The following TUBGCP5 variants were observed in gnomAD, a reference collection of about 807,000 sequenced individuals.
The protein encoded by TUBGCP5 is tubulin gamma complex component 5.
A neutral mutation model predicts 134.7 loss-of-function variants in TUBGCP5; 98 were observed. That is an observed-to-expected ratio of 0.73 (90% CI 0.62 to 0.86). The LOEUF is 0.86. Among genes scored for constraint, TUBGCP5 ranks in the 40% least tolerant of loss-of-function variants. TUBGCP5 has a pLI of 0.00. For missense variants in TUBGCP5, 1,150 were observed against 1,244.8 expected (o/e 0.92, Z 1.15); for synonymous variants, 456 against 431.4 (o/e 1.06, Z -0.71).
chr15:22,989,614 G>A (rs2063788670), intron 23 of TUBGCP5, among the ~76,000 whole-genome samples: 2 of 152,166 alleles, frequency 1.3e-5, no homozygotes, highest in Admixed American at 1.3e-4. Context: ...CTGGCCTCCA[G>A]GGATCCTCCC....
chr15:23,021,250 C>T (rs1200952630), intron 11 of TUBGCP5, among the ~76,000 whole-genome samples: 1 of 152,024 alleles, frequency 6.6e-6, no homozygotes, highest in Non-Finnish European at 1.5e-5. Context: ...GGACTACAGG[C>T]GTGAGCCACT....
In TUBGCP5 at chr15:23,021,812, C is replaced by T. The variant is rs1218931817; in HGVS notation, c.1371+147G>A. The T allele has an allele frequency of 9.1e-6, 8 of 875,286 alleles. No individual in the cohort carries two copies. In the Admixed American group the frequency reaches 1.9e-4, roughly 20 times the overall value. 54.2% of individuals were successfully genotyped at this position (875,286 alleles called of 1,614,324 possible). ...TTAGAGCTGAAAAGCCAGTTTCCTACAGCCTTAAATTTGGAAGTTAATTTA... is the reference window on the plus strand; with the variant it reads ...TTAGAGCTGAAAAGCCAGTTTCCTATAGCCTTAAATTTGGAAGTTAATTTA... On this transcript the variant is annotated intron_variant, in intron 11 of 22. Transcript: ENST00000615383.
chr15:22,988,499 C>G (rs541744840), intron 23 of TUBGCP5, among the ~76,000 whole-genome samples: 10 of 151,484 alleles, frequency 6.6e-5, no homozygotes, highest in East Asian at 2.0e-4. Context: ...TTTGGGAGGC[C>G]AAGGCGGGCG....
In TUBGCP5 at chr15:23,026,215, A is replaced by T. The variant is rs1595890663; in HGVS notation, c.738-10T>A. 6.2e-7 allele frequency: 1 copy of T among 1,609,310 alleles called. No homozygotes were observed. On this transcript the variant is annotated splice_polypyrimidine_tract_variant and intron_variant, in intron 7 of 22. Transcript: ENST00000615383. Reference sequence around the variant, plus strand: ...GTACAAGTGTTGGTCCCTATGAGACAGCAAACATAAATGTCAATAGAAAGG... The same window carrying T: ...GTACAAGTGTTGGTCCCTATGAGACTGCAAACATAAATGTCAATAGAAAGG...
At chr15:23,037,401 G>A (rs1355660983) in intron 1 of TUBGCP5, among the ~76,000 whole-genome samples, 2 of 152,076 alleles carry the variant, frequency 1.3e-5, no homozygotes, top group Non-Finnish European at 2.9e-5. Flanking sequence ...TGGCTCCTCT[G>A]TCTTCCCATA....
chr15:22,983,370 G>C (rs1440314789), exon 24 of TUBGCP5: 1 of 152,182 alleles, frequency 6.6e-6, no homozygotes, highest in Admixed American at 6.5e-5. Flanking sequence ...ACCCCTGGTG[G>C]ATGTCTGAAA....
intron 11 of TUBGCP5, 107 bp from the exon 12 acceptor site, chr15:23,019,441 A>G: frequency 9.5e-6 from 7 of 736,388 alleles, no homozygotes; most frequent in South Asian, 1.7e-5. Flanking sequence ...TCGGATTTCT[A>G]TGTTTTTTGG....
chr15:22,993,525 G>GTTTTTTTCTTTTTTT (rs2063925318), intron 23 of TUBGCP5, among the ~76,000 whole-genome samples: 1 of 69,288 alleles, frequency 1.4e-5, no homozygotes, highest in African/African-American at 6.0e-5. Context: ...AGCCCCCGAA[G>GTTTTTTTCTTTTTTT]TTTTTTTTTT....
intron 9 of TUBGCP5, chr15:23,024,492 G>C: frequency 2.3e-6 from 1 of 425,558 alleles, no homozygotes; most frequent in South Asian, 5.0e-5. Context: ...CAAATAAAAA[G>C]CAGAAAATGC....
chr15:23,024,854 G>A (rs374099009), intron 8 of TUBGCP5, 24 bp from the exon 9 acceptor site: 28 of 1,378,996 alleles, frequency 2.0e-5, no homozygotes, highest in African/African-American at 8.7e-5. Context: ...AAAAAAAGAC[G>A]AGTGTACTTT....
At chr15:22,991,822 T>G (rs916143518) in intron 23 of TUBGCP5, among the ~76,000 whole-genome samples, 26 of 152,188 alleles carry the variant, frequency 1.7e-4, no homozygotes, top group African/African-American at 5.8e-4. Flanking sequence ...GTAACAAAAT[T>G]TCATCATCTT....
chr15:22,989,716 A>T (rs536239251), intron 23 of TUBGCP5, among the ~76,000 whole-genome samples: 28 of 152,192 alleles, frequency 1.8e-4, no homozygotes, highest in Middle Eastern at 3.4e-3. Context: ...TGATCCCTCC[A>T]TTCCACAATA....
At chr15:22,998,196 TC>T (rs1017376991), downstream of TUBGCP5, among the ~76,000 whole-genome samples, 11 of 151,884 alleles carry the variant, frequency 7.2e-5, no homozygotes, top group African/African-American at 2.7e-4. Context: ...ACGCCTGAGA[TC>T]CCAGCTACTC....
chr15:22,998,907 G>A (rs913388204), downstream of TUBGCP5, among the ~76,000 whole-genome samples: 4 of 152,124 alleles, frequency 2.6e-5, no homozygotes, highest in Non-Finnish European at 5.9e-5. Context: ...GTGAGCCACC[G>A]TGCCCAGCCC....
intron 3 of TUBGCP5, among the ~76,000 whole-genome samples, chr15:23,036,273 G>A (rs1359292676): frequency 6.6e-6 from 1 of 152,100 alleles, no homozygotes; most frequent in African/African-American, 2.4e-5. Context: ...GGAGTGGAGG[G>A]TAATACTTTG....
chr15:23,015,857 T>C (rs1170927053), intron 13 of TUBGCP5, among the ~76,000 whole-genome samples: 1 of 151,114 alleles, frequency 6.6e-6, no homozygotes, highest in Non-Finnish European at 1.5e-5. Context: ...CCCATTCATA[T>C]GAATAACTCT....
intron 13 of TUBGCP5, among the ~76,000 whole-genome samples, chr15:23,015,458 A>G (rs1265865314): frequency 2.0e-5 from 3 of 151,086 alleles, no homozygotes; most frequent in Admixed American, 1.3e-4. Flanking sequence ...CCTCACCAAC[A>G]TGGTAAAACC....
intron 6 of TUBGCP5, among the ~76,000 whole-genome samples, chr15:23,029,186 G>T (rs540853078): frequency 6.6e-5 from 10 of 152,176 alleles, no homozygotes; most frequent in African/African-American, 2.2e-4. Flanking sequence ...TAAATTCTCT[G>T]CAATCCCAAT....
intron 23 of TUBGCP5, among the ~76,000 whole-genome samples, chr15:22,985,483 G>A (rs922145506): frequency 1.2e-4 from 19 of 152,184 alleles, no homozygotes; most frequent in African/African-American, 4.6e-4. Flanking sequence ...CTCCCAAAGT[G>A]CTAGGATTAC....
Sources: allele counts gnomAD v4.1 joint callset (sites outside exome capture counted in the v4.1 genomes callset), GRCh38; gene constraint gnomAD v4.1.1; transcripts MANE v1.5; gene names NCBI Gene and HGNC (gene_info 2026-07-23, HGNC 2026-07-21).